Variants in MMS22L observed in about 807,000 individuals in gnomAD.
The protein encoded by MMS22L is protein MMS22-like.
Under a neutral mutation model 159.1 loss-of-function variants are expected in MMS22L, and 74 were observed. The observed-to-expected ratio is 0.47, with a 90% CI of 0.39 to 0.56. The LOEUF (loss-of-function observed/expected upper bound fraction) is 0.56. Among genes scored for constraint, MMS22L ranks in the 20% least tolerant of loss-of-function variants. MMS22L has a pLI of 0.00. For missense variants in MMS22L, 1,351 were observed against 1,422.1 expected (o/e 0.95, Z 0.80); for synonymous variants, 517 against 506.9 (o/e 1.02, Z -0.27).
chr6:97,175,484 G>A (rs549947812), intron 18 of MMS22L, among the ~76,000 whole-genome samples: 33 of 152,282 alleles, frequency 2.2e-4, no homozygotes, highest in African/African-American at 7.7e-4. Flanking sequence ...CATGGTGTCT[G>A]AAACCATGTC....
chr6:97,164,832 T>A (rs1206124), intron 21 of MMS22L, among the ~76,000 whole-genome samples: 2 of 151,598 alleles, frequency 1.3e-5, no homozygotes, highest in Admixed American at 6.6e-5. Flanking sequence ...ATGGCCAGGC[T>A]GGTCTCGAAC....
Position 97,143,590 on chromosome 6 carries a change from A to C in MMS22L, c.*3216T>G, listed in dbSNP as rs560134637. On this transcript the variant is annotated 3_prime_UTR_variant, in exon 25 of 25. Transcript: ENST00000683635. ...GTAGTGCCCAACAGAAAAAACAAAC[A>C]ACCAGTGGATGCAAGGCACTGCAAA... 1.4e-4 allele frequency: 21 copies of C among 152,378 alleles called. No homozygotes were observed. Among genetic ancestry groups the C allele is most frequent in the East Asian group, 3.9e-4 (2 of 5,186 alleles). The allele number at this position is 152,378 out of a possible 1,614,324, so 9.4% of individuals were successfully genotyped here.
intron 22 of MMS22L, among the ~76,000 whole-genome samples, chr6:97,154,446 C>T (rs1281291298): frequency 6.6e-6 from 1 of 152,110 alleles, no homozygotes; most frequent in African/African-American, 2.4e-5. Context: ...AACACAAAAG[C>T]TCCTAATTCT....
intron 18 of MMS22L, among the ~76,000 whole-genome samples, chr6:97,176,458 G>C (rs1804126623): frequency 6.6e-6 from 1 of 152,060 alleles, no homozygotes; most frequent in Admixed American, 6.6e-5. Context: ...ACCCAAGACT[G>C]CTACTCTTAA....
At chr6:97,194,089 C>T (rs1420840568) in intron 14 of MMS22L, among the ~76,000 whole-genome samples, 2 of 150,300 alleles carry the variant, frequency 1.3e-5, no homozygotes, top group Non-Finnish European at 3.0e-5. Context: ...GACAGAGTCT[C>T]GCTCTGGTGC....
At chr6:97,231,377 C>T in intron 13 of MMS22L, 49 bp downstream of exon 13, 1 of 1,320,346 alleles carries the variant, frequency 7.6e-7, no homozygotes, top group Non-Finnish European at 1.1e-6. Context: ...ATAGTAACAC[C>T]TATCCAAAGA....
chr6:97,151,781 A>G lies in MMS22L; in HGVS notation c.3472T>C (p.Ser1158Pro). The G allele has an allele frequency of 6.2e-7, 1 of 1,613,464 alleles. No individual in the cohort carries two copies. The change falls in exon 23 of 25, where the codon TCT becomes CCT. Residue 1158 changes from serine (S) to proline (P), a missense_variant. Physicochemically the swap from Ser to Pro is moderately conservative, Grantham distance 74. Transcript: ENST00000683635. ...SEEEPSSQLT[S>P]VFRQFIQDYG... is the part of the protein sequence containing the mutation. ...ATATTTTCCAGTTACCTAAACACAG[A>G]AGTCAGCTGGGAGGAAGGTTCTTCT... is the stretch of plus-strand genomic sequence containing the variant.
chr6:97,185,399 C>A (rs886606550), intron 15 of MMS22L, among the ~76,000 whole-genome samples: 3 of 152,152 alleles, frequency 2.0e-5, no homozygotes, highest in Non-Finnish European at 4.4e-5. Flanking sequence ...CCAAAGTACA[C>A]ATATTTTGCT....
intron 14 of MMS22L, 82 bp downstream of exon 14, chr6:97,228,812 C>CAT (rs944856828): frequency 2.3e-6 from 3 of 1,289,646 alleles, no homozygotes; most frequent in Non-Finnish European, 2.1e-6. Flanking sequence ...TGTATATATG[C>CAT]ATATATATAA....
chr6:97,216,555 C>A (rs574000844), intron 14 of MMS22L, among the ~76,000 whole-genome samples: 2 of 152,242 alleles, frequency 1.3e-5, no homozygotes, highest in African/African-American at 4.8e-5. Context: ...TTAACCTATT[C>A]CATAGTCAGA....
chr6:97,227,583 C>T (rs964842481), intron 14 of MMS22L, among the ~76,000 whole-genome samples: 5 of 152,086 alleles, frequency 3.3e-5, no homozygotes, highest in East Asian at 1.9e-4. Context: ...CATGAAAACA[C>T]GGCATAGAAT....
chr6:97,156,401 G>A (rs544892554), intron 22 of MMS22L, among the ~76,000 whole-genome samples: 7 of 152,290 alleles, frequency 4.6e-5, no homozygotes, highest in African/African-American at 1.7e-4. Flanking sequence ...CCATCCCCAT[G>A]TCCTGAATGA....
At chr6:97,215,110 ATATATTTTTT>A (rs1009227102) in intron 14 of MMS22L, among the ~76,000 whole-genome samples, 2 of 81,854 alleles carry the variant, frequency 2.4e-5, no homozygotes, top group African/African-American at 7.6e-5. Context: ...ATATATATAT[ATATATTTTTT>A]TTTTGCATTG....
intron 14 of MMS22L, among the ~76,000 whole-genome samples, chr6:97,211,307 C>T (rs973743535): frequency 1.3e-5 from 2 of 151,814 alleles, no homozygotes; most frequent in Admixed American, 6.6e-5. Flanking sequence ...TTGCAACATA[C>T]GTAATGTATA....
At chr6:97,236,673 C>T (rs966186904) in intron 11 of MMS22L, among the ~76,000 whole-genome samples, 12 of 152,002 alleles carry the variant, frequency 7.9e-5, no homozygotes, top group South Asian at 2.1e-4. Flanking sequence ...AGATTAAGGC[C>T]GGGCACGGTG....
At chr6:97,208,619 G>A (rs1808041246) in intron 14 of MMS22L, among the ~76,000 whole-genome samples, 1 of 151,976 alleles carries the variant, frequency 6.6e-6, no homozygotes, top group Non-Finnish European at 1.5e-5. Flanking sequence ...AGGCAGAAAA[G>A]AAATCAAGGA....
rs57593193 is a variant in MMS22L at position 97,146,722 on chromosome 6, C to T, written c.*84G>A. On this transcript the variant is annotated 3_prime_UTR_variant, in exon 25 of 25. Coordinates refer to ENST00000683635, the MANE Select transcript of MMS22L (RefSeq NM_001350599.2). ...AAATTATTTTAAACAGAACATTATA[C>T]AATTAATTAAAAGTAGGAATTAGAG... 3,489 of 897,252 alleles carry T rather than the reference C, an allele frequency of 3.9e-3. 95 individuals carry two copies. The African/African-American group carries it at 0.056, about 14-fold the overall frequency. The allele number at this position is 897,252 out of a possible 1,614,324, so 55.6% of individuals were successfully genotyped here.
At chr6:97,281,634 C>T (rs1816764137) in intron 2 of MMS22L, among the ~76,000 whole-genome samples, 3 of 152,164 alleles carry the variant, frequency 2.0e-5, no homozygotes, top group Admixed American at 2.0e-4. Context: ...CTGTCTTCAC[C>T]AGTAGTCTTC....
intron 14 of MMS22L, among the ~76,000 whole-genome samples, chr6:97,189,623 T>G (rs1490732664): frequency 6.7e-6 from 1 of 148,170 alleles, no homozygotes; most frequent in East Asian, 2.0e-4. Flanking sequence ...GGTAAAAAAT[T>G]TTAAAGCTAT....
Sources: allele counts gnomAD v4.1 joint callset (sites outside exome capture counted in the v4.1 genomes callset), GRCh38; gene constraint gnomAD v4.1.1; transcripts MANE v1.5; gene names NCBI Gene and HGNC (gene_info 2026-07-23, HGNC 2026-07-21).